FPR3: variants seen among roughly 807,000 people sequenced by gnomAD.
The protein encoded by FPR3 is N-formyl peptide receptor 3.
For synonymous variants in FPR3, 135 were observed against 163.6 expected (o/e 0.83, Z 1.34); for missense variants, 346 against 443.2 (o/e 0.78, Z 1.97).
Position 51,823,634 on chromosome 19 carries a change from G to C in FPR3, c.-10-105G>C, listed in dbSNP as rs192883469. The C allele has an allele frequency of 1.0e-3, 874 of 864,928 alleles. 1 individual carries two copies. The highest frequency in any genetic ancestry group is 1.4e-3 in the Non-Finnish European group (797 of 566,204). 53.6% of individuals were successfully genotyped at this position (864,928 alleles called of 1,614,324 possible). On this transcript the variant is annotated intron_variant, in intron 1 of 1. Transcript: ENST00000339223. ...TTATAACCATTCACAAGGCTCACTGGGGAGGGTCTGCTGGTAGGAGGAGGA... is the reference window on the plus strand; with the variant it reads ...TTATAACCATTCACAAGGCTCACTGCGGAGGGTCTGCTGGTAGGAGGAGGA...
At chr19:51,813,915 A>AG (rs2084115932) in intron 1 of FPR3, among the ~76,000 whole-genome samples, 1 of 152,134 alleles carries the variant, frequency 6.6e-6, no homozygotes, top group Non-Finnish European at 1.5e-5. Context: ...CTGGCTCTGG[A>AG]GGGCCCGTTG....
chr19:51,815,520 G>A (rs1252281552), intron 1 of FPR3, among the ~76,000 whole-genome samples: 1 of 150,580 alleles, frequency 6.6e-6, no homozygotes. Context: ...AGTGAGCCAA[G>A]ATCCCGCCAC....
chr19:51,798,153 T>C (rs1461152481), intron 1 of FPR3, among the ~76,000 whole-genome samples: 2 of 151,850 alleles, frequency 1.3e-5, no homozygotes, highest in African/African-American at 4.8e-5. Flanking sequence ...AAGATCAGAG[T>C]AGAGATCTAA....
chr19:51,807,557 A>T (rs2084068589), intron 1 of FPR3, among the ~76,000 whole-genome samples: 1 of 152,202 alleles, frequency 6.6e-6, no homozygotes, highest in African/African-American at 2.4e-5. Context: ...CATTGACCTG[A>T]AACCCCAGAG....
intron 1 of FPR3, among the ~76,000 whole-genome samples, chr19:51,820,386 A>G (rs1475230043): frequency 6.6e-6 from 1 of 152,212 alleles, no homozygotes; most frequent in Admixed American, 6.5e-5. Context: ...GGATGTTGTA[A>G]TTAGAAATAA....
At position 51,824,721 on chromosome 19, in the gene FPR3, C is replaced by T; in HGVS notation, c.973C>T (p.Leu325=). The T allele has an allele frequency of 1.2e-6, 2 of 1,614,072 alleles. No individual in the cohort carries two copies. Among genetic ancestry groups the T allele is most frequent in the Non-Finnish European group, 1.7e-6 (2 of 1,179,996 alleles). ...RSLPTSLERA[L]TEVPDSAQTS... ...TTTGCCCACTAGTTTGGAGAGGGCCCTGACTGAGGTCCCTGACTCAGCCCA... is the reference window on the plus strand; with the variant it reads ...TTTGCCCACTAGTTTGGAGAGGGCCTTGACTGAGGTCCCTGACTCAGCCCA... Residue 325 remains leucine (L), a synonymous_variant, in exon 2 of 2, where the codon CTG becomes TTG. Coordinates refer to ENST00000339223, the MANE Select transcript of FPR3 (RefSeq NM_002030.5). The surrounding 1 kb of genome is among the most constrained non-coding windows in gnomAD (Gnocchi z 4.7).
chr19:51,821,447 T>C (rs1477713703), intron 1 of FPR3, among the ~76,000 whole-genome samples: 3 of 152,104 alleles, frequency 2.0e-5, no homozygotes, highest in Non-Finnish European at 4.4e-5. Flanking sequence ...TGTTGCTAAA[T>C]ATCCTACTGT....
intron 1 of FPR3, among the ~76,000 whole-genome samples, chr19:51,796,180 C>G (rs902557854): frequency 6.6e-6 from 1 of 152,066 alleles, no homozygotes; most frequent in Non-Finnish European, 1.5e-5. Context: ...TCAGGATGAG[C>G]CAGGTGCAGG....
chr19:51,806,879 A>G (rs1184108503), intron 1 of FPR3, among the ~76,000 whole-genome samples: 2 of 152,268 alleles, frequency 1.3e-5, no homozygotes, highest in African/African-American at 4.8e-5. Flanking sequence ...AATTTACAAC[A>G]TAAGCTGAAC....
At chr19:51,795,379 A>G (rs1315856034) in intron 1 of FPR3, 48 bp downstream of exon 1, 3 of 152,132 alleles carry the variant, frequency 2.0e-5, no homozygotes, top group African/African-American at 7.2e-5. Flanking sequence ...AATGCCTGCT[A>G]TATGACAGAG....
At chr19:51,820,123 G>T (rs1469896620) in intron 1 of FPR3, among the ~76,000 whole-genome samples, 2 of 152,326 alleles carry the variant, frequency 1.3e-5, no homozygotes, top group East Asian at 3.9e-4. Context: ...GAGTGGAATA[G>T]TAGAGGAAGT....
intron 1 of FPR3, among the ~76,000 whole-genome samples, chr19:51,817,514 T>C (rs1385514515): frequency 7.8e-6 from 1 of 128,204 alleles, no homozygotes; most frequent in Non-Finnish European, 1.8e-5. Context: ...TCAATCTGTT[T>C]TGTTTTTTTT....
At chr19:51,819,439 T>A (rs2084171332) in intron 1 of FPR3, among the ~76,000 whole-genome samples, 1 of 152,210 alleles carries the variant, frequency 6.6e-6, no homozygotes, top group African/African-American at 2.4e-5. Flanking sequence ...GGTGGCCAAT[T>A]GAGCTGTAAA....
In FPR3 at chr19:51,825,483, T is replaced by C. The variant is rs534747052; in HGVS notation, c.*673T>C. On this transcript the variant is annotated 3_prime_UTR_variant, in exon 2 of 2. Coordinates refer to ENST00000339223, the MANE Select transcript of FPR3 (RefSeq NM_002030.5). ...CCACAATTAGAAAGGCAAGGGAAGATTAGAGTCCTGCTTTGGGGTAGATGA... is the reference window on the plus strand; with the variant it reads ...CCACAATTAGAAAGGCAAGGGAAGACTAGAGTCCTGCTTTGGGGTAGATGA... The C allele has an allele frequency of 9.0e-5, 15 of 167,092 alleles. No individual in the cohort carries two copies. Among genetic ancestry groups the C allele is most frequent in the African/African-American group, 3.6e-4 (15 of 41,530 alleles). 10.4% of individuals were successfully genotyped at this position (167,092 alleles called of 1,614,324 possible).
At position 51,824,815 on chromosome 19, in the gene FPR3, G is replaced by A. The variant is rs201810419; in HGVS notation, c.*5G>A. 322 of 1,597,768 alleles carry A rather than the reference G, an allele frequency of 2.0e-4. No homozygotes were observed. The highest frequency in any genetic ancestry group is 2.1e-4 in the Non-Finnish European group (249 of 1,171,072). ...ACGGAGTTACAAGCAATGTGAGGTC[G>A]GGGATATTTTTGGGCTCTGTCTCTT... On this transcript the variant is annotated 3_prime_UTR_variant, in exon 2 of 2. Coordinates refer to ENST00000339223, the MANE Select transcript of FPR3 (RefSeq NM_002030.5). The surrounding 1 kb of genome is among the most constrained non-coding windows in gnomAD (Gnocchi z 4.7).
In FPR3 at chr19:51,823,767, A is replaced by G. The variant is rs147419483; in HGVS notation, c.19A>G (p.Ile7Val). The part of the protein sequence containing the change: METNFS[I>V]PLNETEEVLP... ...TGGGAAGATGGAAACCAACTTCTCC[A>G]TTCCTCTGAATGAAACTGAGGAGGT... Residue 7 changes from isoleucine to valine, a missense_variant, in exon 2 of 2, where the codon ATT becomes GTT. Physicochemically the swap from Ile to Val is conservative, Grantham distance 29 (BLOSUM62 3). Transcript: ENST00000339223. 3.4e-5 allele frequency: 54 copies of G among 1,594,204 alleles called. No individual in the cohort carries two copies. Among genetic ancestry groups the G allele is most frequent in the Non-Finnish European group, 4.4e-5 (51 of 1,169,982 alleles).
At chr19:51,820,553 T>A (rs2084180827) in intron 1 of FPR3, among the ~76,000 whole-genome samples, 1 of 152,226 alleles carries the variant, frequency 6.6e-6, no homozygotes, top group Non-Finnish European at 1.5e-5. Flanking sequence ...TGTCCCCACC[T>A]GTCACTGCAC....
chr19:51,811,273 T>C (rs2084094806), intron 1 of FPR3, among the ~76,000 whole-genome samples: 1 of 152,190 alleles, frequency 6.6e-6, no homozygotes, highest in Non-Finnish European at 1.5e-5. Context: ...ATGGGTTATG[T>C]GTAATAACCT....
chr19:51,795,501 A>ATTTTTTTTTTTTTTTTTT lies in FPR3; in HGVS notation c.-11+172_-11+173insTTTTTTTTTTTTTTTTTT, dbSNP rs1361472024. Among the ~76,000 whole-genome samples, 13 of 77,098 alleles carry ATTTTTTTTTTTTTTTTTT rather than the reference A, an allele frequency of 1.7e-4. 1 individual carries two copies. Among genetic ancestry groups the ATTTTTTTTTTTTTTTTTT allele is most frequent in the Non-Finnish European group, 2.5e-4 (11 of 43,270 alleles). 50.6% of individuals were successfully genotyped at this position (77,098 alleles called of 152,430 possible). On this transcript the variant is annotated intron_variant, in intron 1 of 1. Coordinates refer to ENST00000339223, the MANE Select transcript of FPR3 (RefSeq NM_002030.5). The stretch of plus-strand genomic sequence containing the variant: ...TAATTTGGTTACATGTTCCAGTAAC[A>ATTTTTTTTTTTTTTTTTT]TTCTTTTTTTTTTTTTTTTTTTTTT...
Sources: gnomAD v4.1 joint callset for allele counts (sites outside exome capture counted in the v4.1 genomes callset) on GRCh38, gnomAD v4.1.1 for gene constraint, Gnocchi (gnomAD v3.1) non-coding constraint, MANE v1.5 for transcripts, NCBI Gene and HGNC (gene_info 2026-07-23, HGNC 2026-07-21) for gene names.